Variants in DCDC2 observed in about 807,000 individuals in gnomAD.
The protein encoded by DCDC2 is doublecortin domain-containing protein 2.
DCDC2 carries 40 observed loss-of-function variants against 50.2 expected under a neutral mutation model. The ratio of observed to expected loss-of-function variants is 0.80; its 90% CI spans 0.62 to 1.04. The LOEUF is 1.04. Among genes scored for constraint, DCDC2 ranks in the 50% least tolerant of loss-of-function variants. The probability of loss-of-function intolerance (pLI) is 0.00; values close to 1 mark genes in which losing one functional copy is unlikely to be tolerated. For synonymous variants in DCDC2, 234 were observed against 210.6 expected (o/e 1.11, Z -0.96); for missense variants, 570 against 581.9 (o/e 0.98, Z 0.21).
intron 7 of DCDC2, among the ~76,000 whole-genome samples, chr6:24,249,298 A>G (rs1762749328): frequency 6.6e-6 from 1 of 152,218 alleles, no homozygotes; most frequent in Admixed American, 6.5e-5. Flanking sequence ...GCTGAAACCC[A>G]TTTAACTAGT....
chr6:24,213,495 CTT>C (rs1761920042), intron 7 of DCDC2, among the ~76,000 whole-genome samples: 2 of 152,068 alleles, frequency 1.3e-5, no homozygotes. Context: ...AGGCAATACT[CTT>C]TATGTGTCAC....
At chr6:24,287,734 G>C (rs1422348469) in intron 6 of DCDC2, among the ~76,000 whole-genome samples, 1 of 152,166 alleles carries the variant, frequency 6.6e-6, no homozygotes, top group African/African-American at 2.4e-5. Context: ...CAAAGGCAGA[G>C]CTCAAATTCA....
At chr6:24,196,540 C>T (rs114755229) in intron 8 of DCDC2, among the ~76,000 whole-genome samples, 1 of 152,136 alleles carries the variant, frequency 6.6e-6, no homozygotes, top group Non-Finnish European at 1.5e-5. Context: ...CATGCCTCAG[C>T]CTCCCGATTA....
upstream of DCDC2, among the ~76,000 whole-genome samples, chr6:24,361,282 C>T (rs1015964720): frequency 1.3e-5 from 2 of 151,798 alleles, no homozygotes; most frequent in African/African-American, 4.8e-5. Context: ...GAGGGTGGAG[C>T]GTGGGAGGAG....
the DCDC2 span, among the ~76,000 whole-genome samples, chr6:24,369,361 C>A: frequency 6.6e-6 from 1 of 151,748 alleles, no homozygotes; most frequent in East Asian, 2.0e-4. Context: ...GTAATCCCAG[C>A]ACTTTGAGAG....
the DCDC2 span, among the ~76,000 whole-genome samples, chr6:24,374,220 T>C: frequency 6.8e-6 from 1 of 147,492 alleles, no homozygotes; most frequent in Non-Finnish European, 1.5e-5. Context: ...TAAGTTGGAA[T>C]CTAGATGTTT....
At chr6:24,236,746 A>G (rs1762447288) in intron 7 of DCDC2, among the ~76,000 whole-genome samples, 2 of 152,204 alleles carry the variant, frequency 1.3e-5, no homozygotes, top group South Asian at 2.1e-4. Context: ...GCAGTGGCTC[A>G]CACCTGTAAC....
At chr6:24,245,786 C>T (rs866579672) in intron 7 of DCDC2, among the ~76,000 whole-genome samples, 1 of 151,928 alleles carries the variant, frequency 6.6e-6, no homozygotes, top group Non-Finnish European at 1.5e-5. Flanking sequence ...AGATCAAAGA[C>T]AACAGAAACA....
chr6:24,275,963 G>A (rs1763343994), intron 7 of DCDC2, among the ~76,000 whole-genome samples: 1 of 148,044 alleles, frequency 6.8e-6, no homozygotes, highest in African/African-American at 2.5e-5. Flanking sequence ...TCAGCCGCCT[G>A]GGCTCAAGTG....
At chr6:24,316,982 CAT>C (rs1202206233) in intron 2 of DCDC2, among the ~76,000 whole-genome samples, 1 of 148,624 alleles carries the variant, frequency 6.7e-6, no homozygotes, top group Non-Finnish European at 1.5e-5. Flanking sequence ...TGTGTATATA[CAT>C]ATATATGTAG....
At chr6:24,382,124 A>G in the DCDC2 span, among the ~76,000 whole-genome samples, 1,749 of 152,268 alleles carry the variant, frequency 0.011, 37 homozygotes, top group African/African-American at 0.039. Context: ...AATCCTTTCA[A>G]TACTCCAGGC....
rs368417717 is a variant in DCDC2, at chr6:24,216,671, T to C, written c.923-11569A>G. On this transcript the variant is annotated intron_variant, in intron 7 of 9. Coordinates refer to ENST00000378454, the MANE Select transcript of DCDC2 (RefSeq NM_016356.5). Reference sequence around the variant, plus strand: ...CCATCTCTTCTGACTCCTGCCTTTATCACAGATGTCAGCACCATAAAGCTT... The same window carrying C: ...CCATCTCTTCTGACTCCTGCCTTTACCACAGATGTCAGCACCATAAAGCTT... Among the ~76,000 whole-genome samples the C allele has an allele frequency of 2.6e-5, 4 of 152,256 alleles. No individual in the cohort carries two copies. The East Asian group carries it at 7.7e-4, about 29-fold the overall frequency.
rs546878406 is a variant in DCDC2 at position 24,201,071 on chromosome 6, C to T, written c.1023+3931G>A. Among the ~76,000 whole-genome samples, 122 of 152,112 alleles carry T rather than the reference C, an allele frequency of 8.0e-4. 1 individual carries two copies. The highest frequency in any genetic ancestry group is 1.2e-3 in the Non-Finnish European group (84 of 68,012). ...AAAATTAGTGGGAGACTTTAACACC[C>T]CGCTATCAATATAAGACAGATCAAC... On this transcript the variant is annotated intron_variant, in intron 8 of 9. Transcript: ENST00000378454.
At chr6:24,328,388 G>C (rs1759910704) in intron 2 of DCDC2, among the ~76,000 whole-genome samples, 1 of 152,186 alleles carries the variant, frequency 6.6e-6, no homozygotes, top group Non-Finnish European at 1.5e-5. Context: ...AATATGCAAG[G>C]CTTATAAGTT....
chr6:24,268,162 T>A (rs867408537), intron 7 of DCDC2, among the ~76,000 whole-genome samples: 1 of 152,136 alleles, frequency 6.6e-6, no homozygotes, highest in Non-Finnish European at 1.5e-5. Context: ...TAGTTGAACA[T>A]GAAACTCATT....
chr6:24,203,571 C>T (rs1761635997), intron 8 of DCDC2, among the ~76,000 whole-genome samples: 1 of 152,118 alleles, frequency 6.6e-6, no homozygotes. Context: ...AGGACATAGG[C>T]ATGGGAAAAG....
At chr6:24,202,890 T>C (rs1009041786) in intron 8 of DCDC2, among the ~76,000 whole-genome samples, 1 of 152,080 alleles carries the variant, frequency 6.6e-6, no homozygotes, top group Non-Finnish European at 1.5e-5. Context: ...TCACAATTGC[T>C]ACAAAGAGAA....
chr6:24,280,545 TA>T (rs1273173005), intron 6 of DCDC2, among the ~76,000 whole-genome samples: 1 of 152,040 alleles, frequency 6.6e-6, no homozygotes, highest in Non-Finnish European at 1.5e-5. Context: ...AAATTTTATT[TA>T]TTTTTTTTTA....
At chr6:24,353,918 T>C (rs374440035) in intron 1 of DCDC2, among the ~76,000 whole-genome samples, 1 of 152,214 alleles carries the variant, frequency 6.6e-6, no homozygotes, top group East Asian at 1.9e-4. Flanking sequence ...ATATACACTA[T>C]ATTCTTACAG....
Sources: allele counts gnomAD v4.1 joint callset (sites outside exome capture counted in the v4.1 genomes callset), GRCh38; gene constraint gnomAD v4.1.1; transcripts MANE v1.5; gene names NCBI Gene and HGNC (gene_info 2026-07-23, HGNC 2026-07-21).